Variants in DLG2 observed in about 807,000 individuals in gnomAD.
DLG2 encodes discs large MAGUK scaffold protein 2, also known as disks large homolog 2.
DLG2 carries 45 observed loss-of-function variants against 132.5 expected under a neutral mutation model. The observed-to-expected ratio is 0.34, with a 90% confidence interval of 0.27 to 0.44. The LOEUF is 0.44. Ranked by LOEUF, DLG2 falls within the 20% of genes least tolerant of loss-of-function variation. DLG2 has a pLI of 1.00. For synonymous variants in DLG2, 424 were observed against 419.6 expected (o/e 1.01, Z -0.13); for missense variants, 1,045 against 1,196.9 (o/e 0.87, Z 1.87).
At chr11:83,467,765 CTATATGTATATATATATATATA>C (rs1282123915) in intron 25 of DLG2, among the ~76,000 whole-genome samples, 2 of 98,982 alleles carry the variant, frequency 2.0e-5, no homozygotes, top group Non-Finnish European at 4.0e-5. Context: ...AAAATAAAAA[CTATATGTATATATATATATATA>C]TATATATATA....
intron 18 of DLG2, among the ~76,000 whole-genome samples, chr11:83,752,761 A>G (rs1188526359): frequency 3.9e-5 from 6 of 152,234 alleles, no homozygotes; most frequent in Non-Finnish European, 8.8e-5. Flanking sequence ...TGCCAAATAC[A>G]AAGAGGAATT....
At chr11:85,221,082 G>A (rs541769671) in intron 4 of DLG2, among the ~76,000 whole-genome samples, 125 of 148,952 alleles carry the variant, frequency 8.4e-4, no homozygotes, top group African/African-American at 2.3e-3. Flanking sequence ...TCACTCTGTC[G>A]CCCAGGCTGG....
chr11:83,850,284 G>T (rs930745994), intron 16 of DLG2, among the ~76,000 whole-genome samples: 3 of 152,100 alleles, frequency 2.0e-5, no homozygotes, highest in African/African-American at 7.2e-5. Flanking sequence ...CTCCCAAGTA[G>T]CTGGGATTAC....
intron 7 of DLG2, among the ~76,000 whole-genome samples, chr11:84,512,937 T>C (rs570350474): frequency 6.6e-6 from 1 of 150,380 alleles, no homozygotes; most frequent in East Asian, 2.0e-4. Flanking sequence ...AGTTGAATGA[T>C]GAGAACACAT....
chr11:84,730,023 G>C, intron 6 of DLG2, among the ~76,000 whole-genome samples: 1 of 152,046 alleles, frequency 6.6e-6, no homozygotes, highest in South Asian at 2.1e-4. Context: ...GTCACTTTCA[G>C]CCTTGTTTCC....
chr11:85,186,941 T>G (rs1294314279), intron 4 of DLG2, among the ~76,000 whole-genome samples: 1 of 152,114 alleles, frequency 6.6e-6, no homozygotes. Flanking sequence ...ATATCGATAA[T>G]GAATAAATAA....
At chr11:83,674,006 T>G (rs945526507) in intron 18 of DLG2, among the ~76,000 whole-genome samples, 1 of 152,230 alleles carries the variant, frequency 6.6e-6, no homozygotes, top group African/African-American at 2.4e-5. Context: ...GCCTTAAACA[T>G]CTTAATACTT....
intron 3 of DLG2, among the ~76,000 whole-genome samples, chr11:85,345,166 A>C (rs571165046): frequency 4.1e-4 from 63 of 152,276 alleles, no homozygotes; most frequent in African/African-American, 1.5e-3. Flanking sequence ...CGGTCTCTTC[A>C]TTCTTGTTAT....
chr11:83,845,236 G>A (rs1444640476), intron 16 of DLG2, among the ~76,000 whole-genome samples: 1 of 152,058 alleles, frequency 6.6e-6, no homozygotes, highest in Non-Finnish European at 1.5e-5. Flanking sequence ...TTAAAAAGAG[G>A]AGATACTTGT....
chr11:83,839,970 A>G (rs1048854488), intron 16 of DLG2, among the ~76,000 whole-genome samples: 4 of 152,074 alleles, frequency 2.6e-5, no homozygotes, highest in African/African-American at 9.7e-5. Flanking sequence ...TTCCAAATAC[A>G]TTCTCCTCCC....
chr11:83,808,429 C>T (rs777183416), intron 17 of DLG2, among the ~76,000 whole-genome samples: 6 of 152,212 alleles, frequency 3.9e-5, no homozygotes, highest in Non-Finnish European at 7.4e-5. Context: ...TCTTGTGAGA[C>T]CAAGAGGCAT....
At chr11:85,446,742 C>G (rs1276947731) in intron 3 of DLG2, among the ~76,000 whole-genome samples, 1 of 151,416 alleles carries the variant, frequency 6.6e-6, no homozygotes, top group Non-Finnish European at 1.5e-5. Context: ...CTGGAGCTAC[C>G]TTAAAAGAAA....
In DLG2 at chr11:83,726,013, G is replaced by A. The variant is rs73509288; in HGVS notation, c.1825+60677C>T. 4.8e-3 allele frequency among the ~76,000 whole-genome samples: 736 copies of A among 152,124 alleles called. 3 individuals are homozygous for A. The highest frequency in any genetic ancestry group is 0.013 in the African/African-American group (535 of 41,496). On this transcript the variant is annotated intron_variant, in intron 18 of 27. Transcript: ENST00000376104. ...TATAACACTTAAAGAGCAGTGCACA[G>A]GCTAAAAAACCCTATGAGGGAAAAA...
chr11:85,223,603 C>T (rs183736117), intron 4 of DLG2, among the ~76,000 whole-genome samples: 249 of 152,248 alleles, frequency 1.6e-3, no homozygotes, highest in African/African-American at 5.7e-3. Flanking sequence ...AATGCCACTG[C>T]ACTCCAGTTT....
At chr11:85,239,212 C>G (rs2075753195) in intron 4 of DLG2, among the ~76,000 whole-genome samples, 1 of 152,030 alleles carries the variant, frequency 6.6e-6, no homozygotes. Context: ...ACCACAATAG[C>G]AACAAGAAGT....
intron 16 of DLG2, among the ~76,000 whole-genome samples, chr11:83,857,044 C>T (rs1006336263): frequency 3.9e-5 from 6 of 152,154 alleles, no homozygotes; most frequent in Admixed American, 1.3e-4. Context: ...CTGTATATGG[C>T]TAGCCAGTTC....
At chr11:84,045,143 G>A (rs1353072338) in intron 11 of DLG2, among the ~76,000 whole-genome samples, 2 of 151,678 alleles carry the variant, frequency 1.3e-5, no homozygotes, top group Non-Finnish European at 3.0e-5. Flanking sequence ...CTTTCCCTAA[G>A]GACATTATTT....
At chr11:84,993,095 A>G (rs970243619) in intron 6 of DLG2, among the ~76,000 whole-genome samples, 1 of 152,242 alleles carries the variant, frequency 6.6e-6, no homozygotes, top group Non-Finnish European at 1.5e-5. Flanking sequence ...CTATGCAACC[A>G]TAAAAAAGAA....
chr11:83,652,521 C>A lies in DLG2; in HGVS notation c.1826-19196G>T, dbSNP rs2070889493. Among the ~76,000 whole-genome samples the A allele has an allele frequency of 3.9e-5, 6 of 152,224 alleles. No homozygotes were observed. In the South Asian group the frequency reaches 1.0e-3, roughly 26 times the overall value. ...AAGTAGCTGGAATTACAGGCGTGCA[C>A]CACCACACCTGGCTAATTTTTGTTA... On this transcript the variant is annotated intron_variant, in intron 18 of 27. Coordinates refer to ENST00000376104, the MANE Select transcript of DLG2 (RefSeq NM_001142699.3).
Sources: allele counts gnomAD v4.1 joint callset (sites outside exome capture counted in the v4.1 genomes callset), GRCh38; gene constraint gnomAD v4.1.1; transcripts MANE v1.5; gene names NCBI Gene and HGNC (gene_info 2026-07-23, HGNC 2026-07-21).